The following CNTLN variants were observed in gnomAD, a reference collection of about 807,000 sequenced individuals.
The protein encoded by CNTLN is centlein.
In CNTLN, 212 loss-of-function variants were observed where a neutral mutation model predicts 180.0. That is an observed-to-expected ratio of 1.18 (90% confidence interval 1.05 to 1.32). The LOEUF (loss-of-function observed/expected upper bound fraction) is 1.32, where lower values mean the gene tolerates loss of function less well. Ranked by LOEUF, CNTLN falls within the 40% of genes most tolerant of loss-of-function variation. The pLI, the probability that CNTLN is intolerant of heterozygous loss-of-function variation, is 0.00. For missense variants in CNTLN, 2,095 were observed against 1,610.9 expected, an observed-to-expected ratio of 1.30 and a Z score of -5.14; for synonymous variants, 722 against 563.1, an observed-to-expected ratio of 1.28 and a Z score of -3.99.
chr9:17,168,430 A>C (rs1360952440), intron 2 of CNTLN: 4 of 152,208 alleles, frequency 2.6e-5, no homozygotes. Flanking sequence ...GAATACATTT[A>C]TGGATGGTAC....
intron 6 of CNTLN, among the ~76,000 whole-genome samples, chr9:17,292,653 G>T (rs1285518498): frequency 6.6e-6 from 1 of 152,038 alleles, no homozygotes; most frequent in Non-Finnish European, 1.5e-5. Context: ...ACTCCATTAG[G>T]TTATTTATGT....
chr9:17,143,214 TAAAA>T, intron 1 of CNTLN, 70 bp from the exon 2 acceptor site: 4 of 1,046,564 alleles, frequency 3.8e-6, no homozygotes, highest in Admixed American at 2.1e-5. Flanking sequence ...TTTTTCATTT[TAAAA>T]TTTAATGTAG....
chr9:17,340,468 C>G (rs900061654), intron 10 of CNTLN, among the ~76,000 whole-genome samples: 2 of 152,050 alleles, frequency 1.3e-5, no homozygotes, highest in African/African-American at 2.4e-5. Flanking sequence ...ATAAAATAAT[C>G]ATGGTTTATG....
chr9:17,229,137 A>G (rs1824656354), intron 3 of CNTLN, among the ~76,000 whole-genome samples: 2 of 152,044 alleles, frequency 1.3e-5, no homozygotes, highest in Admixed American at 1.3e-4. Context: ...AAAGAGGTGA[A>G]AAGACTTTAT....
chr9:17,320,422 T>C (rs185817116), intron 8 of CNTLN, among the ~76,000 whole-genome samples: 1 of 152,048 alleles, frequency 6.6e-6, no homozygotes, highest in East Asian at 1.9e-4. Flanking sequence ...ATAACTACCA[T>C]GTTGGATTTT....
rs781365830 is a variant in CNTLN at position 17,388,159 on chromosome 9, C to T, written c.1988-3C>T. On this transcript the variant is annotated splice_region_variant and splice_polypyrimidine_tract_variant and intron_variant, in intron 13 of 25. Coordinates refer to ENST00000380647, the MANE Select transcript of CNTLN (RefSeq NM_017738.4). Reference sequence around the variant, plus strand: ...TCATAATATATTATTTATTCTCTACCAGAACAGCTCTTTAGATCTGGTGAA... The same window carrying T: ...TCATAATATATTATTTATTCTCTACTAGAACAGCTCTTTAGATCTGGTGAA... 1.9e-6 allele frequency: 3 copies of T among 1,593,446 alleles called. No homozygotes were observed. Among genetic ancestry groups the T allele is most frequent in the Admixed American group, 3.4e-5 (2 of 59,628 alleles).
intron 18 of CNTLN, among the ~76,000 whole-genome samples, chr9:17,453,560 A>T (rs2134130891): frequency 6.6e-6 from 1 of 152,280 alleles, no homozygotes; most frequent in Admixed American, 6.5e-5. Context: ...ATTACCACAA[A>T]TTTAGCAGCT....
At chr9:17,413,832 C>T (rs1431403291) in intron 16 of CNTLN, among the ~76,000 whole-genome samples, 3 of 152,082 alleles carry the variant, frequency 2.0e-5, no homozygotes, top group East Asian at 3.9e-4. Context: ...CTAAACTTAC[C>T]ATACAACCCA....
At chr9:17,510,739 C>T in the CNTLN span, among the ~76,000 whole-genome samples, 182 of 152,306 alleles carry the variant, frequency 1.2e-3, no homozygotes, top group African/African-American at 4.3e-3. Context: ...GGAAACTCCT[C>T]AGAATAAATC....
chr9:17,156,037 C>G (rs540683274), intron 2 of CNTLN, among the ~76,000 whole-genome samples: 1 of 152,164 alleles, frequency 6.6e-6, no homozygotes, highest in Admixed American at 6.5e-5. Flanking sequence ...CACCCTGCTT[C>G]GGCTAGCCCT....
chr9:17,302,354 C>T (rs912353282), intron 7 of CNTLN, among the ~76,000 whole-genome samples: 1 of 152,096 alleles, frequency 6.6e-6, no homozygotes, highest in African/African-American at 2.4e-5. Flanking sequence ...CGTGCCACCA[C>T]ACTCAGCTAA....
At chr9:17,463,259 T>C (rs1831552695) in intron 20 of CNTLN, among the ~76,000 whole-genome samples, 1 of 151,678 alleles carries the variant, frequency 6.6e-6, no homozygotes, top group Non-Finnish European at 1.5e-5. Flanking sequence ...TTTGAATAAA[T>C]ACAAATTAAT....
At chr9:17,327,927 T>C (rs559089393) in intron 8 of CNTLN, among the ~76,000 whole-genome samples, 1 of 151,960 alleles carries the variant, frequency 6.6e-6, no homozygotes, top group East Asian at 1.9e-4. Context: ...CACTCCAGCC[T>C]GGGCAACAAA....
intron 1 of CNTLN, among the ~76,000 whole-genome samples, chr9:17,136,815 GACA>G (rs1421940707): frequency 6.6e-6 from 1 of 152,140 alleles, no homozygotes; most frequent in Non-Finnish European, 1.5e-5. Flanking sequence ...ATAAATAAAT[GACA>G]ACAATGAATT....
intron 7 of CNTLN, chr9:17,299,600 A>G: frequency 3.0e-6 from 3 of 985,358 alleles, no homozygotes; most frequent in Non-Finnish European, 3.6e-6. Flanking sequence ...CCAAGGACCT[A>G]GATGATAGCA....
intron 2 of CNTLN, among the ~76,000 whole-genome samples, chr9:17,154,566 G>A (rs1819125519): frequency 6.6e-6 from 1 of 152,212 alleles, no homozygotes; most frequent in Non-Finnish European, 1.5e-5. Context: ...CCTGTATGAG[G>A]TGTCTGTTGG....
rs193024440 is a variant in CNTLN at position 17,261,763 on chromosome 9, C to T, written c.850-11970C>T. Among the ~76,000 whole-genome samples, 23 of 151,484 alleles carry T rather than the reference C, an allele frequency of 1.5e-4. No individual in the cohort carries two copies. The East Asian group carries it at 4.3e-3, about 28-fold the overall frequency. ...CTAATTAAACTAAAGAGGTTCTGCA[C>T]AGCAGAAGAAACTAGCATCAGAGTG... On this transcript the variant is annotated intron_variant, in intron 5 of 25. Transcript: ENST00000380647.
At chr9:17,155,320 T>G (rs1819196616) in intron 2 of CNTLN, among the ~76,000 whole-genome samples, 1 of 152,162 alleles carries the variant, frequency 6.6e-6, no homozygotes, top group Non-Finnish European at 1.5e-5. Flanking sequence ...AGGGACCCAT[T>G]TGAGGAGGCA....
At chr9:17,407,120 G>A (rs1485773758) in intron 15 of CNTLN, among the ~76,000 whole-genome samples, 1 of 152,174 alleles carries the variant, frequency 6.6e-6, no homozygotes, top group Admixed American at 6.5e-5. Flanking sequence ...GAAATAACTT[G>A]TAGATTTGAT....
Sources: gnomAD v4.1 joint callset for allele counts (sites outside exome capture counted in the v4.1 genomes callset) on GRCh38, gnomAD v4.1.1 for gene constraint, MANE v1.5 for transcripts, NCBI Gene and HGNC (gene_info 2026-07-23, HGNC 2026-07-21) for gene names.